The following COG5 variants were observed in gnomAD, a reference collection of about 807,000 sequenced individuals.
COG5 encodes conserved oligomeric Golgi complex subunit 5.
Under a neutral mutation model 110.4 loss-of-function variants are expected in COG5, and 86 were observed. The observed-to-expected ratio is 0.78, with a 90% CI of 0.65 to 0.93. COG5 has a LOEUF of 0.93. Among genes scored for constraint, COG5 ranks in the 40% least tolerant of loss-of-function variants. The pLI, the probability that COG5 is intolerant of heterozygous loss-of-function variation, is 0.00. For synonymous variants in COG5, 360 were observed against 334.6 expected (o/e 1.08, Z -0.83); for missense variants, 1,077 against 987.0 (o/e 1.09, Z -1.22).
rs1807401198 is a variant in COG5 at position 107,302,981 on chromosome 7, TC to T, written c.1109-4636del. 1.2e-4 allele frequency among the ~76,000 whole-genome samples: 18 copies of T among 152,356 alleles called. No individual in the cohort carries two copies. In the South Asian group the frequency reaches 3.5e-3, roughly 30 times the overall value. ...ATGTTTCTCCTACTTGGCTGTTAAC[TC>T]CATGAAGGCAAGGACAATGCCTTTT... On this transcript the variant is annotated intron_variant, in intron 11 of 21. Transcript: ENST00000297135.
At position 107,460,977 on chromosome 7, in the gene COG5, T is replaced by C. The variant is rs947951116; in HGVS notation, c.539-48345A>G. 3.9e-5 allele frequency among the ~76,000 whole-genome samples: 6 copies of C among 152,112 alleles called. No homozygotes were observed. The East Asian group carries it at 9.6e-4, about 24-fold the overall frequency. ...TTTAAAACTTTGAACAACATAAAAC[T>C]TCTTGGCTCAAATGTCTTCTCTAGT... On this transcript the variant is annotated intron_variant, in intron 6 of 21. Coordinates refer to ENST00000297135, the MANE Select transcript of COG5 (RefSeq NM_006348.5).
In COG5 at chr7:107,274,337, G is replaced by A. The variant is rs575857489; in HGVS notation, c.1575+6963C>T. Among the ~76,000 whole-genome samples the A allele has an allele frequency of 8.5e-5, 13 of 152,166 alleles. No homozygotes were observed. In the South Asian group the frequency reaches 2.7e-3, roughly 32 times the overall value. On this transcript the variant is annotated intron_variant, in intron 14 of 21. Coordinates refer to ENST00000297135, the MANE Select transcript of COG5 (RefSeq NM_006348.5). Reference sequence around the variant, plus strand: ...AAAAATTAAAATTAAAAAAGTTCATGAGCTCTCTTTTTTCATTGTTGCATA... The same window carrying A: ...AAAAATTAAAATTAAAAAAGTTCATAAGCTCTCTTTTTTCATTGTTGCATA...
At chr7:107,475,070 T>C (rs765246136) in intron 6 of COG5, 1 of 1,613,194 alleles carries the variant, frequency 6.2e-7, no homozygotes, top group Non-Finnish European at 8.5e-7. Flanking sequence ...ACCACCATTT[T>C]ATGTTTAGGC....
At chr7:107,416,013 C>T (rs534531852) in intron 6 of COG5, among the ~76,000 whole-genome samples, 34 of 146,742 alleles carry the variant, frequency 2.3e-4, no homozygotes, top group African/African-American at 7.7e-4. Flanking sequence ...CACACACATA[C>T]ACGTATGTAT....
chr7:107,522,624 A>G (rs1183021486), intron 6 of COG5, among the ~76,000 whole-genome samples: 2 of 152,148 alleles, frequency 1.3e-5, no homozygotes, highest in Non-Finnish European at 2.9e-5. Context: ...AGAAAAGAAA[A>G]AAATAAAAAT....
chr7:107,516,491 C>G (rs1799935096), intron 6 of COG5, among the ~76,000 whole-genome samples: 1 of 152,216 alleles, frequency 6.6e-6, no homozygotes, highest in African/African-American at 2.4e-5. Flanking sequence ...ACTTTATTCT[C>G]TTGTGAATTG....
In COG5 at chr7:107,474,859, G is replaced by C; in HGVS notation, c.538+52378C>G. On this transcript the variant is annotated intron_variant, in intron 6 of 21. Transcript: ENST00000297135. This position sits in a 1 kb window ranked among gnomAD's most constrained non-coding sequence, Gnocchi z 5.7. ...GACAATTTCTCTAACCACACAACAT[G>C]AGGCTACAGACATGTCACAAAGCAG... 6.2e-7 allele frequency: 1 copy of C among 1,613,146 alleles called. No individual in the cohort carries two copies. Among genetic ancestry groups the C allele is most frequent in the East Asian group, 2.2e-5 (1 of 44,780 alleles).
In COG5 at chr7:107,202,212, T is replaced by C. The variant is rs947054835; in HGVS notation, c.*1304A>G. On this transcript the variant is annotated 3_prime_UTR_variant, in exon 22 of 22. Transcript: ENST00000297135. ...CGTGTTCTGTATCTCCTCAGCCATGTATCTTAAATATATTTTGTCATCATA... is the reference window on the plus strand; with the variant it reads ...CGTGTTCTGTATCTCCTCAGCCATGCATCTTAAATATATTTTGTCATCATA... 1 of 152,334 alleles carries C rather than the reference T, an allele frequency of 6.6e-6. No homozygotes were observed. Among genetic ancestry groups the C allele is most frequent in the Admixed American group, 6.6e-5 (1 of 15,220 alleles). 9.4% of individuals were successfully genotyped at this position (152,334 alleles called of 1,614,324 possible).
chr7:107,342,604 G>C (rs769961529), intron 10 of COG5, among the ~76,000 whole-genome samples: 7 of 151,962 alleles, frequency 4.6e-5, no homozygotes, highest in Non-Finnish European at 8.8e-5. Context: ...CTTGAACCTG[G>C]GAAGTACAGA....
At chr7:107,240,625 G>A (rs1801541596) in intron 17 of COG5, among the ~76,000 whole-genome samples, 1 of 152,206 alleles carries the variant, frequency 6.6e-6, no homozygotes, top group Non-Finnish European at 1.5e-5. Flanking sequence ...AGGGCTTGAA[G>A]GGTCAGGTTT....
chr7:107,249,347 A>G (rs1341219749), intron 16 of COG5, among the ~76,000 whole-genome samples: 1 of 152,046 alleles, frequency 6.6e-6, no homozygotes, highest in Admixed American at 6.6e-5. Context: ...GGAATACAGA[A>G]CAGCCCCTAT....
At chr7:107,279,426 A>G (rs1267564072) in intron 14 of COG5, among the ~76,000 whole-genome samples, 2 of 152,190 alleles carry the variant, frequency 1.3e-5, no homozygotes, top group East Asian at 3.8e-4. Context: ...TAGTTATCCA[A>G]TTCAAAAATC....
chr7:107,466,902 A>C (rs1796324182), intron 6 of COG5, among the ~76,000 whole-genome samples: 2 of 152,342 alleles, frequency 1.3e-5, no homozygotes, highest in East Asian at 3.9e-4. Context: ...GTTATGGTGA[A>C]TTCCAATATT....
chr7:107,398,355 T>A (rs1346578313), intron 7 of COG5, among the ~76,000 whole-genome samples: 1 of 152,168 alleles, frequency 6.6e-6, no homozygotes, highest in Non-Finnish European at 1.5e-5. Context: ...TCGGTGGCTG[T>A]TAGGAACTGG....
intron 10 of COG5, among the ~76,000 whole-genome samples, chr7:107,328,419 C>T (rs927617465): frequency 1.3e-5 from 2 of 152,132 alleles, no homozygotes; most frequent in Non-Finnish European, 2.9e-5. Flanking sequence ...ACTGTACTTA[C>T]AATAGAACAC....
At chr7:107,372,508 CT>C in intron 8 of COG5, 86 bp downstream of exon 8, 1 of 1,291,104 alleles carries the variant, frequency 7.7e-7, no homozygotes, top group South Asian at 1.2e-5. Context: ...CATTAGATTG[CT>C]TTGAAACATG....
chr7:107,336,596 A>G (rs1240918078), intron 10 of COG5, among the ~76,000 whole-genome samples: 1 of 152,260 alleles, frequency 6.6e-6, no homozygotes, highest in Non-Finnish European at 1.5e-5. Flanking sequence ...AATTACCTTG[A>G]TTTGATCTTT....
chr7:107,381,622 T>A (rs1249717122), intron 7 of COG5, among the ~76,000 whole-genome samples: 1 of 152,230 alleles, frequency 6.6e-6, no homozygotes, highest in Non-Finnish European at 1.5e-5. Context: ...CTTTGGCAGG[T>A]GCTCTCAAAT....
chr7:107,256,918 A>T (rs1802931151), intron 15 of COG5, 124 bp from the exon 16 acceptor site: 1 of 694,948 alleles, frequency 1.4e-6, no homozygotes, highest in Non-Finnish European at 2.6e-6. Context: ...ATTGCTTTAC[A>T]GTAATATCTT....
Sources: allele counts gnomAD v4.1 joint callset (sites outside exome capture counted in the v4.1 genomes callset), GRCh38; gene constraint gnomAD v4.1.1; non-coding constraint Gnocchi (gnomAD v3.1); transcripts MANE v1.5; gene names NCBI Gene and HGNC (gene_info 2026-07-23, HGNC 2026-07-21).